Variants in GGT1 observed in about 807,000 individuals in gnomAD.
The protein encoded by GGT1 is gamma-glutamyltransferase 1.
A neutral mutation model predicts 56.0 loss-of-function variants in GGT1; 21 were observed. The observed-to-expected ratio is 0.38, with a 90% CI of 0.27 to 0.54. The LOEUF is 0.54. Among genes scored for constraint, GGT1 ranks in the 20% least tolerant of loss-of-function variants. GGT1 has a pLI of 0.82. For synonymous variants in GGT1, 238 were observed against 342.6 expected, an observed-to-expected ratio of 0.69 and a Z score of 3.37; for missense variants, 466 against 787.0, an observed-to-expected ratio of 0.59 and a Z score of 4.88.
intron 1 of GGT1, among the ~76,000 whole-genome samples, chr22:24,603,922 C>T (rs965971597): frequency 2.0e-5 from 3 of 151,832 alleles, no homozygotes; most frequent in Non-Finnish European, 4.4e-5. Flanking sequence ...CTCCAGGGGG[C>T]GCCTGCCACC....
chr22:24,599,991 C>T (rs1232948966), upstream of GGT1, among the ~76,000 whole-genome samples: 4 of 152,166 alleles, frequency 2.6e-5, no homozygotes, highest in Non-Finnish European at 4.4e-5. Context: ...GGCATGGTGT[C>T]GGGACTGGGG....
At chr22:24,605,021 GTC>G (rs1263342606) in intron 1 of GGT1, among the ~76,000 whole-genome samples, 22 of 69,162 alleles carry the variant, frequency 3.2e-4, no homozygotes, top group African/African-American at 2.3e-3. Context: ...AATCCTGTAT[GTC>G]ATATATATAT....
At position 24,605,589 on chromosome 22, in the gene GGT1, ATAT is replaced by A. The variant is rs538208298; in HGVS notation, c.-429+2066_-429+2068del. ...TTATATAATGTGTATTATATATATA[ATAT>A]TATATAATGTGTATTATATATATAA... On this transcript the variant is annotated intron_variant, in intron 1 of 15. Coordinates refer to ENST00000400382, the MANE Select transcript of GGT1 (RefSeq NM_001288833.2). Among the ~76,000 whole-genome samples, 51 of 54,078 alleles carry A rather than the reference ATAT, an allele frequency of 9.4e-4. 8 individuals carry two copies. The highest frequency in any genetic ancestry group is 1.2e-3 in the Admixed American group (3 of 2,474). 35.5% of individuals were successfully genotyped at this position (54,078 alleles called of 152,430 possible).
the GGT1 span, among the ~76,000 whole-genome samples, chr22:24,587,222 G>C: frequency 6.6e-6 from 1 of 152,214 alleles, no homozygotes; most frequent in South Asian, 2.1e-4. Flanking sequence ...GGGATAGAGA[G>C]GGACAGGCCC....
the GGT1 span, among the ~76,000 whole-genome samples, chr22:24,585,144 C>T: frequency 6.6e-6 from 1 of 152,164 alleles, no homozygotes; most frequent in African/African-American, 2.4e-5. Flanking sequence ...TACAAGAGGC[C>T]TGGGGCTGGG....
upstream of GGT1, chr22:24,592,680 G>A: frequency 8.8e-7 from 1 of 1,133,216 alleles, no homozygotes; most frequent in East Asian, 3.4e-5. Context: ...TCTCGCCCAC[G>A]CAAGACCCCG....
At chr22:24,593,202 G>T, upstream of GGT1, 1 of 721,034 alleles carries the variant, frequency 1.4e-6, no homozygotes, top group Non-Finnish European at 1.7e-6. Context: ...AGGCCAGTGG[G>T]TTCCTCGGTT....
chr22:24,588,390 G>C, the GGT1 span: 1 of 1,321,820 alleles, frequency 7.6e-7, no homozygotes, highest in Non-Finnish European at 1.1e-6. Flanking sequence ...TCAGGGCCTT[G>C]GGGAGAGGGA....
At chr22:24,593,112 G>A, upstream of GGT1, 1 of 1,029,872 alleles carries the variant, frequency 9.7e-7, no homozygotes, top group Non-Finnish European at 1.2e-6. Context: ...GCCGCCCCTA[G>A]TCGCCCCGCC....
intron 1 of GGT1, among the ~76,000 whole-genome samples, chr22:24,605,957 A>G (rs1396778433): frequency 5.9e-5 from 4 of 67,702 alleles, no homozygotes; most frequent in Admixed American, 2.4e-4. Flanking sequence ...TATTATATAT[A>G]ATATATTACA....
At chr22:24,592,809 A>ACCCCCAGT, upstream of GGT1, 1 of 1,235,716 alleles carries the variant, frequency 8.1e-7, no homozygotes, top group Non-Finnish European at 1.0e-6. Flanking sequence ...AGACCCCCAG[A>ACCCCCAGT]CCCCCAGACC....
rs1319348228 is a variant in GGT1, at chr22:24,610,426, T to A, written c.-113T>A. 4.6e-5 allele frequency: 8 copies of A among 175,488 alleles called. No individual in the cohort carries two copies. The highest frequency in any genetic ancestry group is 8.5e-5 in the Non-Finnish European group (7 of 82,312). The allele number at this position is 175,488 out of a possible 1,614,324, so 10.9% of individuals were successfully genotyped here. Reference sequence around the variant, plus strand: ...TCTGTGGCTACAGGCTTCAGCAGAGTGTGAGGGAGACCCCGGTTATTTCCT... The same window carrying A: ...TCTGTGGCTACAGGCTTCAGCAGAGAGTGAGGGAGACCCCGGTTATTTCCT... On this transcript the variant is annotated 5_prime_UTR_variant, in exon 4 of 16. Coordinates refer to ENST00000400382, the MANE Select transcript of GGT1 (RefSeq NM_001288833.2).
chr22:24,602,214 C>T (rs375515638), upstream of GGT1, among the ~76,000 whole-genome samples: 194 of 152,250 alleles, frequency 1.3e-3, no homozygotes, highest in African/African-American at 4.3e-3. Flanking sequence ...TGGTTCCTTC[C>T]GCCTGGCAGG....
At chr22:24,587,649 C>T in the GGT1 span, among the ~76,000 whole-genome samples, 10 of 152,250 alleles carry the variant, frequency 6.6e-5, no homozygotes, top group Middle Eastern at 6.8e-3. Context: ...GGAGTCACTC[C>T]AGGATGGAGT....
upstream of GGT1, among the ~76,000 whole-genome samples, chr22:24,600,672 C>T (rs751838889): frequency 3.9e-5 from 6 of 152,236 alleles, no homozygotes; most frequent in Non-Finnish European, 8.8e-5. Context: ...CCCTCCATCA[C>T]AGCTGAGTAG....
rs757947908 is a variant in GGT1, at chr22:24,623,114, T to C, written c.741T>C (p.Ile247=). 2 of 1,611,782 alleles carry C rather than the reference T, an allele frequency of 1.2e-6. No individual in the cohort carries two copies. The highest frequency in any genetic ancestry group is 1.7e-5 in the Admixed American group (1 of 59,986). Residue 247 remains isoleucine, a synonymous_variant, in exon 10 of 16, where the codon ATT becomes ATC. Coordinates refer to ENST00000400382, the MANE Select transcript of GGT1 (RefSeq NM_001288833.2). The stretch of plus-strand genomic sequence containing the variant: ...GCTGCTGTCCCATTGCAGGGGGCAT[T>C]GTGACAGCTGAGGACCTGAACAACT... The part of the protein sequence containing the change: ...IVKDIQAAGG[I]VTAEDLNNYR...
At chr22:24,592,687 C>A (rs377091098), upstream of GGT1, 2 of 1,179,240 alleles carry the variant, frequency 1.7e-6, no homozygotes, top group Admixed American at 6.9e-5. Context: ...CACGCAAGAC[C>A]CCGCGTGCTG....
In GGT1 at chr22:24,628,418, A is replaced by C. The variant is rs199498939; in HGVS notation, c.1563+30A>C. On this transcript the variant is annotated intron_variant, in intron 15 of 15. Transcript: ENST00000400382. The surrounding 1 kb of genome is among the most constrained non-coding windows in gnomAD (Gnocchi z 5.7). ...GCCGGGGGTTGGAGAAACTGAGTCA[A>C]GGTGTGGGGCCCCAGGGCATCCTGG... is the stretch of plus-strand genomic sequence containing the variant. 29,830 of 1,593,818 alleles carry C rather than the reference A, an allele frequency of 0.019. 6,260 individuals carry two copies. In the African/African-American group the frequency reaches 0.4, roughly 21 times the overall value.
chr22:24,597,339 T>C (rs2045711334), intron 1 of GGT1, among the ~76,000 whole-genome samples: 1 of 152,142 alleles, frequency 6.6e-6, no homozygotes, highest in Admixed American at 6.6e-5. Context: ...ATGTAGAGAC[T>C]CTATTTCCAA....
Sources: gnomAD v4.1 joint callset for allele counts (sites outside exome capture counted in the v4.1 genomes callset) on GRCh38, gnomAD v4.1.1 for gene constraint, Gnocchi (gnomAD v3.1) non-coding constraint, MANE v1.5 for transcripts, NCBI Gene and HGNC (gene_info 2026-07-23, HGNC 2026-07-21) for gene names.